Variants in CSF1R observed in about 807,000 individuals in gnomAD.
CSF1R encodes colony stimulating factor 1 receptor, also known as macrophage colony-stimulating factor 1 receptor.
A neutral mutation model predicts 110.0 loss-of-function variants in CSF1R; 40 were observed. The ratio of observed to expected loss-of-function variants is 0.36; its 90% CI spans 0.28 to 0.47. The LOEUF (loss-of-function observed/expected upper bound fraction) is 0.47. CSF1R is among the 20% of genes least tolerant of loss of function. CSF1R has a pLI of 0.99. For synonymous variants in CSF1R, 523 were observed against 503.4 expected, an observed-to-expected ratio of 1.04 and a Z score of -0.52; for missense variants, 1,052 against 1,253.0, an observed-to-expected ratio of 0.84 and a Z score of 2.42.
At chr5:150,109,058 G>GCCCCA (rs1759634877) in intron 1 of CSF1R, among the ~76,000 whole-genome samples, 1 of 119,736 alleles carries the variant, frequency 8.4e-6, no homozygotes, top group African/African-American at 3.2e-5. Context: ...GGAGAAGCCC[G>GCCCCA]CCCCCCCCCC....
chr5:150,060,183 C>T (rs957710920), intron 13 of CSF1R, among the ~76,000 whole-genome samples: 1 of 151,742 alleles, frequency 6.6e-6, no homozygotes, highest in Non-Finnish European at 1.5e-5. Context: ...AAAAATCAGC[C>T]GGGCATGGTG....
chr5:150,062,255 A>G (rs1467445582), intron 10 of CSF1R, among the ~76,000 whole-genome samples: 2 of 117,340 alleles, frequency 1.7e-5, no homozygotes, highest in Non-Finnish European at 1.8e-5. Context: ...CCAAATATAT[A>G]TATATATTTT....
chr5:150,074,253 T>C (rs1250392918), intron 5 of CSF1R, among the ~76,000 whole-genome samples: 2 of 151,796 alleles, frequency 1.3e-5, no homozygotes, highest in Non-Finnish European at 2.9e-5. Flanking sequence ...TCCTTTTAAT[T>C]AGGCCAGTTT....
chr5:150,061,014 G>A (rs1448243740), intron 12 of CSF1R, 42 bp from the exon 13 acceptor site: 1 of 1,408,356 alleles, frequency 7.1e-7, no homozygotes, highest in South Asian at 1.2e-5. Context: ...GGAGAGGGCA[G>A]GACAGAGAGC....
Position 150,061,013 on chromosome 5 carries a change from A to G in CSF1R, c.1859-41T>C, listed in dbSNP as rs774454981. 1.1e-5 allele frequency: 15 copies of G among 1,409,152 alleles called. No individual in the cohort carries two copies. The South Asian group carries it at 1.7e-4, about 16-fold the overall frequency. 87.3% of individuals were successfully genotyped at this position (1,409,152 alleles called of 1,614,324 possible). On this transcript the variant is annotated intron_variant, in intron 12 of 20. Transcript: ENST00000675795. ...ACAGTCCCAAAGACAGGGAGAGGGC[A>G]GGACAGAGAGCACCACACAGATACA...
Position 150,070,276 on chromosome 5 carries a change from T to A in CSF1R, c.1225A>T (p.Thr409Ser), listed in dbSNP as rs752915211. ...RYPPEVSVIW[T>S]FINGSGTLLC... ...AGGGTGCCAGAGCCGTTGATGAATGTCCATATGACGCTTACCTCTGGGGGG... is the reference window on the plus strand; with the variant it reads ...AGGGTGCCAGAGCCGTTGATGAATGACCATATGACGCTTACCTCTGGGGGG... The change falls in exon 8 of 21, where the codon ACA becomes TCA. Residue 409 changes from threonine to serine, a missense_variant. Transcript: ENST00000675795. The A allele has an allele frequency of 6.2e-7, 1 of 1,614,028 alleles. No individual in the cohort carries two copies. Among genetic ancestry groups the A allele is most frequent in the Admixed American group, 1.7e-5 (1 of 60,008 alleles).
At chr5:150,061,460 A>G (rs1467101311) in intron 12 of CSF1R, 31 bp downstream of exon 12, 1 of 299,590 alleles carries the variant, frequency 3.3e-6, no homozygotes, top group South Asian at 4.4e-5. Context: ...ACCACCCCCC[A>G]TCCCTTCCCT....
At chr5:150,077,031 A>G (rs1344472246) in intron 5 of CSF1R, 5 of 552,298 alleles carry the variant, frequency 9.1e-6, no homozygotes, top group Admixed American at 3.1e-5. Flanking sequence ...TAAACAAAAA[A>G]TGGCACTAAG....
chr5:150,070,021 G>A lies in CSF1R; in HGVS notation c.1362C>T (p.Tyr454=), dbSNP rs780432496. 2.5e-6 allele frequency: 4 copies of A among 1,614,130 alleles called. No homozygotes were observed. Among genetic ancestry groups the A allele is most frequent in the South Asian group, 1.1e-5 (1 of 91,080 alleles). ...AQVLQVWDDP[Y]PEVLSQEPFH... is the part of the protein sequence containing the mutation. Reference sequence around the variant, plus strand: ...AGGGCTCCTGGCTCAGGACCTCAGGGTATGGGTCATCCCAGACCTGCAGCA... The same window carrying A: ...AGGGCTCCTGGCTCAGGACCTCAGGATATGGGTCATCCCAGACCTGCAGCA... The change falls in exon 9 of 21, where the codon TAC becomes TAT. Residue 454 remains tyrosine, a synonymous_variant. Transcript: ENST00000675795.
chr5:150,054,606 C>T (rs1281590388), intron 19 of CSF1R, 176 bp from the exon 20 acceptor site: 8 of 577,302 alleles, frequency 1.4e-5, no homozygotes, highest in Middle Eastern at 9.0e-4. Context: ...CACAGTAACC[C>T]TTGCAGAAGG....
intron 1 of CSF1R, among the ~76,000 whole-genome samples, chr5:150,110,768 C>G (rs1759693205): frequency 6.6e-6 from 1 of 152,100 alleles, no homozygotes. Flanking sequence ...CACAGAGTTG[C>G]TGAATAAAGA....
At chr5:150,066,899 GCA>G (rs1757798849) in intron 10 of CSF1R, 1 of 152,856 alleles carries the variant, frequency 6.5e-6, no homozygotes, top group African/African-American at 2.4e-5. Flanking sequence ...CTGCACCTCT[GCA>G]CACTCTGCCC....
At position 150,070,255 on chromosome 5, in the gene CSF1R, T is replaced by A. The variant is rs1341370484; in HGVS notation, c.1246A>T (p.Thr416Ser). 6.2e-7 allele frequency: 1 copy of A among 1,613,918 alleles called. No individual in the cohort carries two copies. The highest frequency in any genetic ancestry group is 8.5e-7 in the Non-Finnish European group (1 of 1,179,988). Residue 416 changes from threonine to serine, a missense_variant, in exon 8 of 21, where the codon ACC becomes TCC. Transcript: ENST00000675795. The stretch of plus-strand genomic sequence containing the variant: ...TACCCAGAGGCAGCACACAAAAGGG[T>A]GCCAGAGCCGTTGATGAATGTCCAT... Reference protein sequence around the residue: ...VIWTFINGSGTLLCAASGYPQ... With the variant: ...VIWTFINGSGSLLCAASGYPQ...
At chr5:150,086,897 TA>T, upstream of CSF1R, among the ~76,000 whole-genome samples, 1 of 152,308 alleles carries the variant, frequency 6.6e-6, no homozygotes, top group South Asian at 2.1e-4. Flanking sequence ...GTGACATATA[TA>T]TTTTTTCTTT....
chr5:150,054,291 G>T (rs200640883), intron 20 of CSF1R, 31 bp downstream of exon 20: 3 of 1,613,890 alleles, frequency 1.9e-6, no homozygotes, highest in Non-Finnish European at 2.5e-6. Context: ...GTGCTTTACC[G>T]GCCACCCACC....
chr5:150,097,549 A>G (rs7700387), intron 1 of CSF1R, among the ~76,000 whole-genome samples: 1,692 of 152,320 alleles, frequency 0.011, 23 homozygotes, highest in African/African-American at 0.039. Flanking sequence ...AATCTACAAA[A>G]AAGTTACTAG....
chr5:150,076,277 C>T (rs1467162607), intron 5 of CSF1R, among the ~76,000 whole-genome samples: 2 of 152,210 alleles, frequency 1.3e-5, no homozygotes, highest in African/African-American at 4.8e-5. Context: ...TCCTGGTGCA[C>T]ACTTGGACAG....
intron 1 of CSF1R, among the ~76,000 whole-genome samples, chr5:150,101,261 G>C (rs13360152): frequency 0.28 from 43,308 of 152,112 alleles, 6,270 homozygotes; most frequent in East Asian, 0.44. Context: ...AGACGCGCCT[G>C]AGCTGGCATG....
chr5:150,073,601 A>G (rs1041331549), intron 5 of CSF1R, 108 bp from the exon 6 acceptor site: 15 of 1,120,974 alleles, frequency 1.3e-5, no homozygotes, highest in Non-Finnish European at 1.9e-5. Context: ...GCTATGTCAC[A>G]GGTACATAGT....
Sources: gnomAD v4.1 joint callset for allele counts (sites outside exome capture counted in the v4.1 genomes callset) on GRCh38, gnomAD v4.1.1 for gene constraint, MANE v1.5 for transcripts, NCBI Gene and HGNC (gene_info 2026-07-23, HGNC 2026-07-21) for gene names.